CDCP2: variants seen among roughly 807,000 people sequenced by gnomAD.
CDCP2 encodes CUB domain containing protein 2.
CDCP2 carries 31 observed loss-of-function variants against 31.0 expected under a neutral mutation model. The ratio of observed to expected loss-of-function variants is 1.00; its 90% CI spans 0.75 to 1.35. CDCP2 has a LOEUF of 1.35. Ranked by LOEUF, CDCP2 falls within the 40% of genes most tolerant of loss-of-function variation. The pLI is 0.00. For missense variants in CDCP2, 443 were observed against 482.6 expected (o/e 0.92, Z 0.77); for synonymous variants, 206 against 207.9 (o/e 0.99, Z 0.08).
rs565960150 is a variant in CDCP2, at chr1:54,141,215, G to C, written c.646C>G (p.His216Asp). ...GGGGGCCTGGTGCTGCCACAGTAGT[G>C]GTGCCCACGGGTGGGGCCAGGCCCC... Residue 216 changes from histidine to aspartate, a missense_variant, in exon 3 of 6, where the codon CAC becomes GAC. By Grantham distance (81) the His-to-Asp change is moderately conservative. Coordinates refer to ENST00000530059, the Ensembl canonical transcript of CDCP2. 27 of 1,612,608 alleles carry C rather than the reference G, an allele frequency of 1.7e-5. No individual in the cohort carries two copies. In the South Asian group the frequency reaches 2.9e-4, roughly 17 times the overall value.
chr1:54,144,414 C>A, intron 2 of CDCP2, 52 bp downstream of exon 2: 2 of 1,470,752 alleles, frequency 1.4e-6, no homozygotes, highest in South Asian at 2.7e-5. Context: ...GCCAAAGCAC[C>A]AGGATTACAG....
intron 5 of CDCP2, among the ~76,000 whole-genome samples, chr1:54,134,060 C>T (rs984049766): frequency 2.0e-5 from 3 of 152,178 alleles, no homozygotes; most frequent in African/African-American, 7.2e-5. Flanking sequence ...TCACACCTCA[C>T]TCAAACAAAA....
rs774446672 is a variant in CDCP2, at chr1:54,140,121, G to A, written c.764-15C>T. ...CTGGCATTCTCCTGGATGGGGGATGGGGAGGTGGAAGGAGCAACAGTGAGG... is the reference window on the plus strand; with the variant it reads ...CTGGCATTCTCCTGGATGGGGGATGAGGAGGTGGAAGGAGCAACAGTGAGG... On this transcript the variant is annotated splice_polypyrimidine_tract_variant and intron_variant, in intron 3 of 5. Transcript: ENST00000530059. 1 of 1,610,708 alleles carries A rather than the reference G, an allele frequency of 6.2e-7. No homozygotes were observed. Among genetic ancestry groups the A allele is most frequent in the Non-Finnish European group, 8.5e-7 (1 of 1,177,824 alleles).
chr1:54,136,191 C>A (rs911563357), intron 5 of CDCP2, among the ~76,000 whole-genome samples: 1 of 152,124 alleles, frequency 6.6e-6, no homozygotes, highest in African/African-American at 2.4e-5. Context: ...AGCAGGGCTC[C>A]CACACAGCTC....
exon 3 of CDCP2, chr1:54,141,144 G>A (rs756366603): frequency 3.9e-6 from 6 of 1,546,688 alleles, no homozygotes; most frequent in Non-Finnish European, 4.4e-6. Context: ...TGTTGAAGTC[G>A]GACTTGAAGA....
intron 1 of CDCP2, among the ~76,000 whole-genome samples, chr1:54,145,806 CCT>C (rs750959426): frequency 2.6e-5 from 4 of 152,192 alleles, no homozygotes; most frequent in Admixed American, 6.5e-5. Context: ...TTAAATGTGC[CCT>C]GTTTCATAAT....
chr1:54,137,294 G>A (rs1418602334), intron 4 of CDCP2, among the ~76,000 whole-genome samples: 1 of 152,152 alleles, frequency 6.6e-6, no homozygotes, highest in African/African-American at 2.4e-5. Context: ...AGATGGGGGA[G>A]GGGGCAATAA....
chr1:54,152,936 G>C (rs1364649600), upstream of CDCP2: 1 of 1,613,650 alleles, frequency 6.2e-7, no homozygotes, highest in Admixed American at 1.7e-5. Flanking sequence ...CTCACCAGGG[G>C]CCCCCACAGG....
chr1:54,148,510 C>T (rs1009722862), intron 1 of CDCP2, among the ~76,000 whole-genome samples: 3 of 149,666 alleles, frequency 2.0e-5, no homozygotes, highest in Non-Finnish European at 2.9e-5. Context: ...AAGTGAAACA[C>T]GGGCCAGTAA....
chr1:54,151,149 A>C (rs1401801770), intron 1 of CDCP2, among the ~76,000 whole-genome samples: 1 of 152,178 alleles, frequency 6.6e-6, no homozygotes, highest in East Asian at 1.9e-4. Context: ...GAAGATTTTC[A>C]GGGAGGGAAT....
intron 5 of CDCP2, among the ~76,000 whole-genome samples, chr1:54,135,209 G>A (rs1445020957): frequency 6.6e-6 from 1 of 150,652 alleles, no homozygotes; most frequent in Non-Finnish European, 1.5e-5. Flanking sequence ...GCTTTAGGGG[G>A]TTTTGATGAG....
intron 1 of CDCP2, among the ~76,000 whole-genome samples, chr1:54,151,185 G>A (rs1044840983): frequency 3.9e-5 from 6 of 152,188 alleles, no homozygotes; most frequent in African/African-American, 1.2e-4. Context: ...CCAGACGCAC[G>A]TGCACTTAGC....
At chr1:54,139,387 C>T (rs1659312847) in intron 4 of CDCP2, 3 of 689,306 alleles carry the variant, frequency 4.4e-6, no homozygotes, top group African/African-American at 1.8e-5. Flanking sequence ...ACAGTTATAC[C>T]AATTTTTTTG....
chr1:54,136,406 G>A (rs2100418894), intron 5 of CDCP2, among the ~76,000 whole-genome samples: 1 of 152,298 alleles, frequency 6.6e-6, no homozygotes, highest in South Asian at 2.1e-4. Context: ...AAGAGAGCTG[G>A]GAACCAGAGG....
chr1:54,148,923 T>C (rs1194325220), intron 1 of CDCP2, among the ~76,000 whole-genome samples: 4 of 149,402 alleles, frequency 2.7e-5, no homozygotes, highest in Admixed American at 2.7e-4. Context: ...AAATGCAATG[T>C]ATGGACCTTG....
chr1:54,141,313 A>T lies in CDCP2; in HGVS notation c.548T>A (p.Val183Asp), dbSNP rs752874348. The change falls in exon 3 of 6, where the codon GTC (valine) becomes GAC (aspartate). Residue 183 changes from valine (V) to aspartate (D), a missense_variant. Val to Asp is a radical substitution (Grantham distance 152). Transcript: ENST00000530059. Reference sequence around the variant, plus strand: ...CTGGAAGTCCACGAACACCAGCTTGACGTGGGCAGGGCCAGCGGCCCGGAT... The same window carrying T: ...CTGGAAGTCCACGAACACCAGCTTGTCGTGGGCAGGGCCAGCGGCCCGGAT... 5.0e-6 allele frequency: 8 copies of T among 1,614,112 alleles called. No individual in the cohort carries two copies. The highest frequency in any genetic ancestry group is 6.8e-6 in the Non-Finnish European group (8 of 1,180,048).
rs567373701 is a variant in CDCP2 at position 54,149,356 on chromosome 1, T to C, written c.79+3488A>G. On this transcript the variant is annotated intron_variant, in intron 1 of 5. Coordinates refer to ENST00000530059, the Ensembl canonical transcript of CDCP2. ...TATTTATGGGTGAAATAATATGGCA[T>C]CTGAGATAGGCTTTAGATTTCTCCA... is the stretch of plus-strand genomic sequence containing the variant. 2.0e-4 allele frequency among the ~76,000 whole-genome samples: 30 copies of C among 151,992 alleles called. 1 individual carries two copies. Among genetic ancestry groups the C allele is most frequent in the African/African-American group, 7.3e-4 (30 of 41,274 alleles).
At chr1:54,136,112 T>C (rs1480340111) in intron 5 of CDCP2, among the ~76,000 whole-genome samples, 1 of 152,108 alleles carries the variant, frequency 6.6e-6, no homozygotes, top group East Asian at 1.9e-4. Flanking sequence ...TCCTGTGCCT[T>C]GAAAGGGCCT....
chr1:54,140,489 A>G (rs1659347792), intron 3 of CDCP2: 1 of 342,830 alleles, frequency 2.9e-6, no homozygotes, highest in South Asian at 2.5e-5. Flanking sequence ...CCCATTTGGT[A>G]TGTACTATGA....
Sources: gnomAD v4.1 joint callset for allele counts (sites outside exome capture counted in the v4.1 genomes callset) on GRCh38, gnomAD v4.1.1 for gene constraint, MANE v1.5 for transcripts, NCBI Gene and HGNC (gene_info 2026-07-23, HGNC 2026-07-21) for gene names.